Variants in SPATS2 observed in about 807,000 individuals in gnomAD.
The protein encoded by SPATS2 is spermatogenesis-associated serine-rich protein 2.
Under a neutral mutation model 63.7 loss-of-function variants are expected in SPATS2, and 38 were observed. That is an observed-to-expected ratio of 0.60 (90% CI 0.46 to 0.78). SPATS2 has a LOEUF of 0.78. SPATS2 is among the 30% of genes least tolerant of loss of function. The probability of loss-of-function intolerance (pLI) is 0.00; values close to 1 mark genes in which losing one functional copy is unlikely to be tolerated. For missense variants in SPATS2, 588 were observed against 666.2 expected, an observed-to-expected ratio of 0.88 and a Z score of 1.29; for synonymous variants, 207 against 232.9, an observed-to-expected ratio of 0.89 and a Z score of 1.01.
chr12:49,425,367 CAG>C (rs1945055771), intron 2 of SPATS2, among the ~76,000 whole-genome samples: 2 of 152,088 alleles, frequency 1.3e-5, no homozygotes. Flanking sequence ...TTTTTGTAGA[CAG>C]GGTCTCACTC....
intron 9 of SPATS2, among the ~76,000 whole-genome samples, chr12:49,506,246 C>T (rs1437216401): frequency 6.6e-6 from 1 of 152,174 alleles, no homozygotes; most frequent in Admixed American, 6.5e-5. Flanking sequence ...AATCCCAGCA[C>T]TTCGGGAGGC....
At chr12:49,429,912 C>T (rs765786424) in intron 2 of SPATS2, among the ~76,000 whole-genome samples, 9 of 149,864 alleles carry the variant, frequency 6.0e-5, no homozygotes, top group Non-Finnish European at 1.0e-4. Context: ...TCCCAGGTAG[C>T]TGGGATTACA....
Position 49,494,738 on chromosome 12 carries a change from T to C in SPATS2, c.265-3T>C, listed in dbSNP as rs1306963553. 2 of 1,526,666 alleles carry C rather than the reference T, an allele frequency of 1.3e-6. No homozygotes were observed. The highest frequency in any genetic ancestry group is 1.8e-6 in the Non-Finnish European group (2 of 1,138,978). The allele number at this position is 1,526,666 out of a possible 1,614,324, so 94.6% of individuals were successfully genotyped here. ...TTCTTTTTCAAATTTTTAATAACTT[T>C]AGAACAAAAAGAAGAAAAACAAACC... On this transcript the variant is annotated splice_polypyrimidine_tract_variant and splice_region_variant and intron_variant, in intron 6 of 13. Transcript: ENST00000552918.
At chr12:49,500,233 A>G (rs1946542157) in intron 9 of SPATS2, 28 bp downstream of exon 9, 1 of 1,581,470 alleles carries the variant, frequency 6.3e-7, no homozygotes. Context: ...TGATATCAGT[A>G]GCATAAAAAT....
intron 3 of SPATS2, among the ~76,000 whole-genome samples, chr12:49,479,964 C>T (rs1044673891): frequency 1.3e-5 from 2 of 152,068 alleles, no homozygotes; most frequent in African/African-American, 2.4e-5. Flanking sequence ...GGAGTAGTAC[C>T]GTGACTGATT....
At chr12:49,499,372 C>T (rs1044914964) in intron 8 of SPATS2, among the ~76,000 whole-genome samples, 4 of 151,726 alleles carry the variant, frequency 2.6e-5, no homozygotes, top group Non-Finnish European at 5.9e-5. Context: ...CTGGTGAGCT[C>T]TGGGGATTGT....
intron 2 of SPATS2, among the ~76,000 whole-genome samples, chr12:49,411,657 A>G (rs1944799621): frequency 6.6e-6 from 1 of 152,234 alleles, no homozygotes; most frequent in Non-Finnish European, 1.5e-5. Flanking sequence ...TGCTTAAAAA[A>G]TCAAGCATTT....
intron 2 of SPATS2, among the ~76,000 whole-genome samples, chr12:49,408,027 A>G (rs973393076): frequency 1.3e-5 from 2 of 152,238 alleles, no homozygotes; most frequent in African/African-American, 4.8e-5. Flanking sequence ...AATGAAAACA[A>G]TGTCAGTGTT....
chr12:49,367,928 A>T (rs1157051208), intron 1 of SPATS2, among the ~76,000 whole-genome samples: 2 of 152,162 alleles, frequency 1.3e-5, no homozygotes, highest in Non-Finnish European at 2.9e-5. Flanking sequence ...ATCATTTGGG[A>T]TGAGAAGTAC....
At chr12:49,380,333 A>G (rs1944193153) in intron 2 of SPATS2, among the ~76,000 whole-genome samples, 1 of 152,070 alleles carries the variant, frequency 6.6e-6, no homozygotes, top group Non-Finnish European at 1.5e-5. Flanking sequence ...CGAGAACCTC[A>G]TTCCTCTTTA....
At chr12:49,503,735 A>G (rs1207336706) in intron 9 of SPATS2, among the ~76,000 whole-genome samples, 1 of 152,162 alleles carries the variant, frequency 6.6e-6, no homozygotes, top group Non-Finnish European at 1.5e-5. Context: ...ATGATTGTTC[A>G]GCTTACTGAT....
At chr12:49,393,126 G>A (rs1033692713) in intron 2 of SPATS2, among the ~76,000 whole-genome samples, 3 of 152,072 alleles carry the variant, frequency 2.0e-5, no homozygotes, top group Non-Finnish European at 4.4e-5. Flanking sequence ...AATTGGAGTC[G>A]TATTTTTTTT....
chr12:49,375,141 AGTGT>A (rs10601423), intron 2 of SPATS2, among the ~76,000 whole-genome samples: 9,600 of 123,006 alleles, frequency 0.078, 449 homozygotes, highest in East Asian at 0.18. Flanking sequence ...CAAGTTGTGG[AGTGT>A]GTGTGTGTGT....
chr12:49,467,059 T>G (rs1181234858), intron 3 of SPATS2, among the ~76,000 whole-genome samples: 10 of 137,820 alleles, frequency 7.3e-5, no homozygotes, highest in Non-Finnish European at 1.4e-4. Flanking sequence ...TTTTTTTTTT[T>G]TTTTTTTTTT....
At chr12:49,444,442 C>G (rs1945477125) in intron 2 of SPATS2, among the ~76,000 whole-genome samples, 1 of 152,058 alleles carries the variant, frequency 6.6e-6, no homozygotes, top group Non-Finnish European at 1.5e-5. Flanking sequence ...TGGTCTTGAA[C>G]TCCTGGGCTA....
chr12:49,495,803 ATAT>A (rs1439415678), intron 7 of SPATS2, among the ~76,000 whole-genome samples: 2 of 152,302 alleles, frequency 1.3e-5, no homozygotes, highest in African/African-American at 2.4e-5. Context: ...GATGATGTTG[ATAT>A]TATTATTTTA....
intron 2 of SPATS2, among the ~76,000 whole-genome samples, chr12:49,412,363 T>C (rs1006829047): frequency 6.6e-6 from 1 of 151,776 alleles, no homozygotes; most frequent in African/African-American, 2.4e-5. Flanking sequence ...CCCAGCTAAT[T>C]TTTGTGTTTT....
At chr12:49,394,793 C>T (rs941270907) in intron 2 of SPATS2, among the ~76,000 whole-genome samples, 14 of 152,116 alleles carry the variant, frequency 9.2e-5, no homozygotes, top group Middle Eastern at 3.4e-3. Flanking sequence ...ATTTTAAGGC[C>T]GGGCGTGGTG....
chr12:49,498,121 T>C (rs1946494304), intron 8 of SPATS2, among the ~76,000 whole-genome samples: 1 of 106,698 alleles, frequency 9.4e-6, no homozygotes, highest in African/African-American at 4.9e-5. Flanking sequence ...TTTGAGACTA[T>C]CCAATCAAGC....
Sources: allele counts gnomAD v4.1 joint callset (sites outside exome capture counted in the v4.1 genomes callset), GRCh38; gene constraint gnomAD v4.1.1; transcripts MANE v1.5; gene names NCBI Gene and HGNC (gene_info 2026-07-23, HGNC 2026-07-21).